The following MARCHF2 variants were observed in gnomAD, a reference collection of about 807,000 sequenced individuals.
The protein encoded by MARCHF2 is membrane associated ring-CH-type finger 2.
A neutral mutation model predicts 24.0 loss-of-function variants in MARCHF2; 22 were observed. That is an observed-to-expected ratio of 0.92 (90% confidence interval 0.66 to 1.31). The LOEUF is 1.31. MARCHF2 is among the 50% of genes most tolerant of loss of function. The pLI is 0.00. For synonymous variants in MARCHF2, 154 were observed against 153.0 expected, an observed-to-expected ratio of 1.01 and a Z score of -0.05; for missense variants, 301 against 335.3, an observed-to-expected ratio of 0.90 and a Z score of 0.80.
rs563649728 is a variant in MARCHF2, at chr19:8,419,421, G to A, written c.-52-2368G>A. Among the ~76,000 whole-genome samples the A allele has an allele frequency of 3.9e-3, 588 of 152,284 alleles. 4 individuals are homozygous for A. The highest frequency in any genetic ancestry group is 0.014 in the African/African-American group (566 of 41,560). On this transcript the variant is annotated intron_variant, in intron 1 of 4. Coordinates refer to ENST00000215555, the MANE Select transcript of MARCHF2 (RefSeq NM_001005415.2). ...AGGTAGGAGAATCATTTGAGCCCGG[G>A]AGGCGGAGGTTGCAGTGAGCCAAGA...
At chr19:8,415,295 G>A (rs925403631) in intron 1 of MARCHF2, among the ~76,000 whole-genome samples, 2 of 151,926 alleles carry the variant, frequency 1.3e-5, no homozygotes, top group Non-Finnish European at 2.9e-5. Context: ...GGCTGAGGTG[G>A]GAGGATCACC....
At chr19:8,424,245 T>G (rs1177112987) in intron 2 of MARCHF2, among the ~76,000 whole-genome samples, 1 of 152,104 alleles carries the variant, frequency 6.6e-6, no homozygotes, top group Admixed American at 6.6e-5. Context: ...AGATGCTTTT[T>G]ATTTCTATTT....
At chr19:8,420,513 G>A (rs545089296) in intron 1 of MARCHF2, among the ~76,000 whole-genome samples, 1 of 147,558 alleles carries the variant, frequency 6.8e-6, no homozygotes, top group Admixed American at 6.8e-5. Flanking sequence ...TCCAGCCTGG[G>A]CAACACAGCG....
At chr19:8,434,436 T>A (rs1967661177) in intron 4 of MARCHF2, among the ~76,000 whole-genome samples, 2 of 151,448 alleles carry the variant, frequency 1.3e-5, no homozygotes, top group East Asian at 3.9e-4. Flanking sequence ...AGCTACTGTT[T>A]TAGCATCTGC....
chr19:8,422,069 C>T (rs10469477), intron 2 of MARCHF2, 53 bp downstream of exon 2: 50,679 of 1,536,542 alleles, frequency 0.033, 1,188 homozygotes, highest in African/African-American at 0.11. Flanking sequence ...TCTCTCTGGG[C>T]GCAGTGAGTT....
At chr19:8,436,878 T>C (rs1967740034) in intron 4 of MARCHF2, among the ~76,000 whole-genome samples, 2 of 151,878 alleles carry the variant, frequency 1.3e-5, no homozygotes, top group East Asian at 1.9e-4. Flanking sequence ...TTAATAGAGA[T>C]GGGATTTCTC....
chr19:8,424,878 T>A (rs1461901713), intron 2 of MARCHF2, among the ~76,000 whole-genome samples: 2 of 152,072 alleles, frequency 1.3e-5, no homozygotes, highest in Non-Finnish European at 2.9e-5. Context: ...AAGCCTGAGT[T>A]GGTTGCATGA....
At chr19:8,433,405 A>G (rs1967630922) in intron 4 of MARCHF2, among the ~76,000 whole-genome samples, 1 of 151,580 alleles carries the variant, frequency 6.6e-6, no homozygotes. Flanking sequence ...TTGGCCAGGC[A>G]CGGTGGCTCA....
chr19:8,416,896 G>A (rs1967099864), intron 1 of MARCHF2, among the ~76,000 whole-genome samples: 1 of 152,114 alleles, frequency 6.6e-6, no homozygotes, highest in Non-Finnish European at 1.5e-5. Context: ...GGCTTCTCCA[G>A]GAAGGTGACC....
chr19:8,431,536 A>G (rs1467909639), intron 4 of MARCHF2, among the ~76,000 whole-genome samples: 1 of 150,578 alleles, frequency 6.6e-6, no homozygotes, highest in Admixed American at 6.6e-5. Flanking sequence ...AAGAAAAAAG[A>G]AAGAAATTGA....
chr19:8,420,157 C>CAAAA (rs1328509254), intron 1 of MARCHF2, among the ~76,000 whole-genome samples: 17 of 88,382 alleles, frequency 1.9e-4, no homozygotes, highest in Admixed American at 1.4e-3. Context: ...GACTCCGTCT[C>CAAAA]AAAAAATAAA....
chr19:8,422,026 G>A lies in MARCHF2; in HGVS notation c.176+10G>A, dbSNP rs1321812216. 8 of 1,597,934 alleles carry A rather than the reference G, an allele frequency of 5.0e-6. No individual in the cohort carries two copies. In the South Asian group the frequency reaches 9.0e-5, roughly 18 times the overall value. ...CCTTGGACACACCGAGGTGAGTGGTGACTGCGTGGATATCCTGGCCTTTGT... is the reference window on the plus strand; with the variant it reads ...CCTTGGACACACCGAGGTGAGTGGTAACTGCGTGGATATCCTGGCCTTTGT... On this transcript the variant is annotated intron_variant, in intron 2 of 4. Transcript: ENST00000215555.
At chr19:8,424,180 C>T (rs574607357) in intron 2 of MARCHF2, among the ~76,000 whole-genome samples, 45 of 152,196 alleles carry the variant, frequency 3.0e-4, no homozygotes, top group African/African-American at 9.4e-4. Flanking sequence ...GGGAAGGACC[C>T]GGCATCCCCA....
Position 8,421,985 on chromosome 19 carries a change from T to C in MARCHF2, c.145T>C (p.Ser49Pro). 2 of 1,613,066 alleles carry C rather than the reference T, an allele frequency of 1.2e-6. No individual in the cohort carries two copies. The highest frequency in any genetic ancestry group is 1.7e-6 in the Non-Finnish European group (2 of 1,179,656). ...GACTTCAAGGGATGGCCGGCTCCTCTCCACCGTCATCCGTGCCTTGGACAC... is the reference window on the plus strand; with the variant it reads ...GACTTCAAGGGATGGCCGGCTCCTCCCCACCGTCATCCGTGCCTTGGACAC... ...QVTSRDGRLL[S>P]TVIRALDTPS... Residue 49 changes from serine (S) to proline (P), a missense_variant, in exon 2 of 5, where the codon TCC becomes CCC. Transcript: ENST00000215555.
At chr19:8,420,744 G>T (rs1967215922) in intron 1 of MARCHF2, among the ~76,000 whole-genome samples, 1 of 151,958 alleles carries the variant, frequency 6.6e-6, no homozygotes, top group Non-Finnish European at 1.5e-5. Context: ...TCAAACTCCT[G>T]GGCTCAAGTC....
intron 4 of MARCHF2, among the ~76,000 whole-genome samples, chr19:8,437,415 G>A (rs1205944221): frequency 4.3e-5 from 6 of 140,848 alleles, no homozygotes; most frequent in Admixed American, 7.8e-5. Flanking sequence ...GCCGTGGTGC[G>A]ATCTCGGCTC....
At position 8,430,496 on chromosome 19, in the gene MARCHF2, T is replaced by C. The variant is rs946039881; in HGVS notation, c.373-162T>C. 4.0e-4 allele frequency among the ~76,000 whole-genome samples: 61 copies of C among 151,486 alleles called. No individual in the cohort carries two copies. The highest frequency in any genetic ancestry group is 1.4e-3 in the African/African-American group (59 of 41,252). ...GTTGCAGTGAGCCGAGATCACACCA[T>C]TGCACTCCATCCTGGGCAACAGAGT... On this transcript the variant is annotated intron_variant, in intron 3 of 4. Transcript: ENST00000215555. The surrounding 1 kb of genome is among the most constrained non-coding windows in gnomAD (Gnocchi z 4.4).
chr19:8,432,384 G>A (rs1967607750), intron 4 of MARCHF2, among the ~76,000 whole-genome samples: 3 of 151,952 alleles, frequency 2.0e-5, no homozygotes, highest in African/African-American at 7.2e-5. Context: ...AAAAATTAGT[G>A]GTGGTGTGCA....
chr19:8,422,640 G>A (rs1307459883), intron 2 of MARCHF2, among the ~76,000 whole-genome samples: 1 of 150,078 alleles, frequency 6.7e-6, no homozygotes, highest in Non-Finnish European at 1.5e-5. Flanking sequence ...TGATCTGCCC[G>A]TCTCGGCCTC....
Sources: gnomAD v4.1 joint callset for allele counts (sites outside exome capture counted in the v4.1 genomes callset) on GRCh38, gnomAD v4.1.1 for gene constraint, Gnocchi (gnomAD v3.1) non-coding constraint, MANE v1.5 for transcripts, NCBI Gene and HGNC (gene_info 2026-07-23, HGNC 2026-07-21) for gene names.